The following CFAP58 variants were observed in gnomAD, a reference collection of about 807,000 sequenced individuals.
CFAP58 encodes cilia- and flagella-associated protein 58.
CFAP58 carries 88 observed loss-of-function variants against 119.5 expected under a neutral mutation model. The observed-to-expected ratio is 0.74, with a 90% confidence interval of 0.62 to 0.88. CFAP58 has a LOEUF of 0.88. Among genes scored for constraint, CFAP58 ranks in the 40% least tolerant of loss-of-function variants. The pLI, the probability that CFAP58 is intolerant of heterozygous loss-of-function variation, is 0.00. For missense variants in CFAP58, 990 were observed against 1,021.2 expected (o/e 0.97, Z 0.42); for synonymous variants, 365 against 366.3 (o/e 1.00, Z 0.04).
intron 11 of CFAP58, 33 bp from the exon 12 acceptor site, chr10:104,399,327 T>C (rs374304549): frequency 6.2e-6 from 10 of 1,609,908 alleles, no homozygotes; most frequent in Admixed American, 3.4e-5. Flanking sequence ...TGTAACGAAT[T>C]GAAATTTGCC....
chr10:104,397,294 A>G (rs1479689502), intron 11 of CFAP58, among the ~76,000 whole-genome samples: 1 of 152,176 alleles, frequency 6.6e-6, no homozygotes, highest in Non-Finnish European at 1.5e-5. Context: ...AGTGGTAAAT[A>G]CTAGATGAGA....
upstream of CFAP58, among the ~76,000 whole-genome samples, chr10:104,349,022 G>A (rs1036871956): frequency 2.0e-5 from 3 of 152,162 alleles, no homozygotes; most frequent in Admixed American, 1.3e-4. Context: ...CACGGCAGAA[G>A]GATCACTTGA....
chr10:104,389,471 A>G (rs1031519216), intron 9 of CFAP58, among the ~76,000 whole-genome samples: 6 of 151,888 alleles, frequency 4.0e-5, no homozygotes, highest in African/African-American at 1.2e-4. Context: ...TGAACAAACA[A>G]TTTTTTTCCT....
At chr10:104,353,715 C>T (rs2014498557), upstream of CFAP58, 12 of 580,068 alleles carry the variant, frequency 2.1e-5, no homozygotes, top group Admixed American at 2.1e-4. Flanking sequence ...CTTTCGAATT[C>T]CCGCTAGCGC....
intron 15 of CFAP58, among the ~76,000 whole-genome samples, chr10:104,413,817 C>A (rs747653453): frequency 2.6e-5 from 4 of 151,906 alleles, no homozygotes; most frequent in Non-Finnish European, 5.9e-5. Context: ...ATCAAGATGG[C>A]ATTTCTAATA....
chr10:104,343,332 A>T, the CFAP58 span, among the ~76,000 whole-genome samples: 19 of 152,180 alleles, frequency 1.2e-4, no homozygotes, highest in Non-Finnish European at 2.2e-4. Context: ...TTATTTACTG[A>T]CAAAAATTAA....
intron 9 of CFAP58, among the ~76,000 whole-genome samples, chr10:104,386,062 C>CT (rs34685828): frequency 0.048 from 6,804 of 140,442 alleles, 354 homozygotes; most frequent in African/African-American, 0.13. Context: ...TCCTTTTTTG[C>CT]TTTTTTTTTT....
At chr10:104,341,185 C>A in the CFAP58 span, among the ~76,000 whole-genome samples, 1 of 151,866 alleles carries the variant, frequency 6.6e-6, no homozygotes, top group Non-Finnish European at 1.5e-5. Flanking sequence ...AAACAACTCC[C>A]ATTGAAGTTA....
At chr10:104,340,218 A>G in the CFAP58 span, among the ~76,000 whole-genome samples, 3 of 152,144 alleles carry the variant, frequency 2.0e-5, no homozygotes, top group East Asian at 1.9e-4. Flanking sequence ...CCAGCCTCAT[A>G]TCTCACTCTG....
chr10:104,339,555 A>G, the CFAP58 span, among the ~76,000 whole-genome samples: 1 of 152,204 alleles, frequency 6.6e-6, no homozygotes, highest in Non-Finnish European at 1.5e-5. Context: ...AGTGTCCAAA[A>G]TGATCACCAT....
Position 104,355,892 on chromosome 10 carries a change from A to G in CFAP58, c.9+1986A>G, listed in dbSNP as rs529155963. ...TTTTTCCATTCCTGTGCTAAGTGCC[A>G]GGTAAACAGGTAAAACTTGGACTGC... On this transcript the variant is annotated intron_variant, in intron 1 of 17. Coordinates refer to ENST00000369704, the MANE Select transcript of CFAP58 (RefSeq NM_001008723.2). 3.3e-5 allele frequency among the ~76,000 whole-genome samples: 5 copies of G among 152,344 alleles called. No homozygotes were observed. In the South Asian group the frequency reaches 8.3e-4, roughly 25 times the overall value.
chr10:104,362,924 C>T lies in CFAP58; in HGVS notation c.440+753C>T, dbSNP rs147118126. Among the ~76,000 whole-genome samples, 309 of 152,280 alleles carry T rather than the reference C, an allele frequency of 2.0e-3. 1 individual carries two copies. Among genetic ancestry groups the T allele is most frequent in the African/African-American group, 6.7e-3 (277 of 41,566 alleles). ...CCCAGTCAGCCTCTCTAGCCTCGTG[C>T]GAGCCCATCAAGTTGCTCACACCTC... is the stretch of plus-strand genomic sequence containing the variant. On this transcript the variant is annotated intron_variant, in intron 3 of 17. Transcript: ENST00000369704.
chr10:104,404,810 C>T (rs1222216164), intron 14 of CFAP58, among the ~76,000 whole-genome samples: 2 of 152,150 alleles, frequency 1.3e-5, no homozygotes, highest in Admixed American at 6.5e-5. Context: ...ACGGTTTCAC[C>T]GTGGTCTCAA....
chr10:104,447,590 G>C, intron 15 of CFAP58, 108 bp from the exon 16 acceptor site: 1 of 1,326,194 alleles, frequency 7.5e-7, no homozygotes, highest in Non-Finnish European at 1.1e-6. Context: ...CTGTGGAGCT[G>C]TGAAGTAGCT....
chr10:104,352,930 A>T (rs17116955), upstream of CFAP58, among the ~76,000 whole-genome samples: 249 of 152,364 alleles, frequency 1.6e-3, 1 homozygote, highest in East Asian at 0.031. Flanking sequence ...AAACATTTTT[A>T]AAAAATACAC....
Position 104,388,687 on chromosome 10 carries a change from G to A in CFAP58, c.1366-3546G>A, listed in dbSNP as rs185470079. ...TGATATTTCATCAAATGTACATTAA[G>A]GGGTTCCAAATGCAATGACCTACTT... On this transcript the variant is annotated intron_variant, in intron 9 of 17. Coordinates refer to ENST00000369704, the MANE Select transcript of CFAP58 (RefSeq NM_001008723.2). Among the ~76,000 whole-genome samples the A allele has an allele frequency of 1.7e-4, 26 of 152,304 alleles. No individual in the cohort carries two copies. In the East Asian group the frequency reaches 2.9e-3, roughly 17 times the overall value.
the CFAP58 span, among the ~76,000 whole-genome samples, chr10:104,339,193 A>T: frequency 6.6e-6 from 1 of 152,192 alleles, no homozygotes; most frequent in Non-Finnish European, 1.5e-5. Flanking sequence ...CCCGACTTTT[A>T]TGATAATCAA....
At chr10:104,403,174 C>G (rs1285008402) in intron 13 of CFAP58, among the ~76,000 whole-genome samples, 1 of 152,138 alleles carries the variant, frequency 6.6e-6, no homozygotes, top group Non-Finnish European at 1.5e-5. Flanking sequence ...TAGTTTCCCC[C>G]ATGCTGTTCT....
chr10:104,357,959 A>T (rs1313448306), intron 1 of CFAP58, among the ~76,000 whole-genome samples: 1 of 114,870 alleles, frequency 8.7e-6, no homozygotes, highest in Admixed American at 7.6e-5. Context: ...ATATATACAC[A>T]TATATGTACA....
Sources: allele counts gnomAD v4.1 joint callset (sites outside exome capture counted in the v4.1 genomes callset), GRCh38; gene constraint gnomAD v4.1.1; transcripts MANE v1.5; gene names NCBI Gene and HGNC (gene_info 2026-07-23, HGNC 2026-07-21).